Variants in ADIPOQ observed in about 807,000 individuals in gnomAD.
ADIPOQ encodes adiponectin, C1Q and collagen domain containing.
Under a neutral mutation model 16.1 loss-of-function variants are expected in ADIPOQ, and 19 were observed. The ratio of observed to expected loss-of-function variants is 1.18; its 90% confidence interval spans 0.82 to 1.73. The LOEUF (loss-of-function observed/expected upper bound fraction) is 1.73. Ranked by LOEUF, ADIPOQ falls within the 40% of genes most tolerant of loss-of-function variation. ADIPOQ has a pLI of 0.00. For synonymous variants in ADIPOQ, 124 were observed against 125.5 expected (o/e 0.99, Z 0.08); for missense variants, 323 against 308.3 (o/e 1.05, Z -0.36).
chr3:186,853,396 A>G, intron 2 of ADIPOQ, 124 bp downstream of exon 2: 2 of 1,219,700 alleles, frequency 1.6e-6, no homozygotes, highest in Non-Finnish European at 2.4e-6. Flanking sequence ...TGTTAACCAT[A>G]AGCAACCTGA....
intron 1 of ADIPOQ, among the ~76,000 whole-genome samples, chr3:186,850,443 A>G (rs1711714493): frequency 6.6e-6 from 1 of 152,234 alleles, no homozygotes; most frequent in South Asian, 2.1e-4. Context: ...GCAGTATAAC[A>G]TATGCTGCCA....
rs200695138 is a variant in ADIPOQ, at chr3:186,854,877, C to T, written c.*173C>T. The T allele has an allele frequency of 2.6e-5, 25 of 957,068 alleles. No homozygotes were observed. The highest frequency in any genetic ancestry group is 3.7e-5 in the Non-Finnish European group (24 of 643,698). 59.3% of individuals were successfully genotyped at this position (957,068 alleles called of 1,614,324 possible). On this transcript the variant is annotated 3_prime_UTR_variant, in exon 3 of 3. Coordinates refer to ENST00000320741, the MANE Select transcript of ADIPOQ (RefSeq NM_004797.4). ...CGAGTAACTTTAAAAAAATCATATG[C>T]TATGTTCCCAGTCCTGGGGAGCTTC...
chr3:186,845,073 C>T (rs990155651), intron 1 of ADIPOQ, among the ~76,000 whole-genome samples: 134 of 151,340 alleles, frequency 8.9e-4, no homozygotes, highest in African/African-American at 2.7e-3. Flanking sequence ...TGTGTGTGCG[C>T]GCGCGCACAC....
intron 1 of ADIPOQ, among the ~76,000 whole-genome samples, chr3:186,848,786 T>C (rs1403278169): frequency 6.6e-6 from 1 of 152,228 alleles, no homozygotes; most frequent in Non-Finnish European, 1.5e-5. Flanking sequence ...CAAATAATTT[T>C]GAAAATTTTT....
rs1579211473 is a variant in ADIPOQ, at chr3:186,855,357, G to A, written c.*653G>A. On this transcript the variant is annotated 3_prime_UTR_variant, in exon 3 of 3. Coordinates refer to ENST00000320741, the MANE Select transcript of ADIPOQ (RefSeq NM_004797.4). ...TCCTCTTACCTATGTCCCTTCTCATGCCTTTCCCTCCAACGGGGAAAGCCA... is the reference window on the plus strand; with the variant it reads ...TCCTCTTACCTATGTCCCTTCTCATACCTTTCCCTCCAACGGGGAAAGCCA... The A allele has an allele frequency of 6.5e-6, 1 of 153,614 alleles. No individual in the cohort carries two copies. The highest frequency in any genetic ancestry group is 2.1e-4 in the South Asian group (1 of 4,870). 9.5% of individuals were successfully genotyped at this position (153,614 alleles called of 1,614,324 possible).
intron 1 of ADIPOQ, among the ~76,000 whole-genome samples, chr3:186,847,595 C>A (rs1409789862): frequency 6.6e-6 from 1 of 152,052 alleles, no homozygotes; most frequent in Non-Finnish European, 1.5e-5. Context: ...TTCAAGGGTG[C>A]GCTTAGCTTC....
intron 1 of ADIPOQ, among the ~76,000 whole-genome samples, chr3:186,846,153 C>A (rs1711571374): frequency 6.6e-6 from 1 of 152,098 alleles, no homozygotes; most frequent in Non-Finnish European, 1.5e-5. Flanking sequence ...AAGTGCATTC[C>A]TACTCCTTCC....
Position 186,854,873 on chromosome 3 carries a change from T to C in ADIPOQ, c.*169T>C, listed in dbSNP as rs1229142187. On this transcript the variant is annotated 3_prime_UTR_variant, in exon 3 of 3. Coordinates refer to ENST00000320741, the MANE Select transcript of ADIPOQ (RefSeq NM_004797.4). ...TCATCGAGTAACTTTAAAAAAATCA[T>C]ATGCTATGTTCCCAGTCCTGGGGAG... 2.0e-6 allele frequency: 2 copies of C among 989,252 alleles called. No homozygotes were observed. Among genetic ancestry groups the C allele is most frequent in the Admixed American group, 4.6e-5 (2 of 43,384 alleles). 61.3% of individuals were successfully genotyped at this position (989,252 alleles called of 1,614,324 possible). A position where few individuals can be genotyped will look rare whatever the true frequency, so the allele number is the denominator to read the frequency against.
rs780387344 is a variant in ADIPOQ at position 186,854,231 on chromosome 3, G to C, written c.262G>C (p.Ala88Pro). The change falls in exon 3 of 3, where the codon GCT (alanine) becomes CCT (proline). Residue 88 changes from alanine (A) to proline (P), a missense_variant. Transcript: ENST00000320741. ...CATCGGTGAAACCGGAGTACCCGGGGCTGAAGGTCCCCGAGGCTTTCCGGG... is the reference window on the plus strand; with the variant it reads ...CATCGGTGAAACCGGAGTACCCGGGCCTGAAGGTCCCCGAGGCTTTCCGGG... ...GDIGETGVPG[A>P]EGPRGFPGIQ... The C allele has an allele frequency of 1.9e-6, 3 of 1,613,708 alleles. No individual in the cohort carries two copies. The highest frequency in any genetic ancestry group is 2.5e-6 in the Non-Finnish European group (3 of 1,179,668).
Position 186,854,242 on chromosome 3 carries a change from C to T in ADIPOQ, c.273C>T (p.Pro91=). 1 of 1,613,572 alleles carries T rather than the reference C, an allele frequency of 6.2e-7. No individual in the cohort carries two copies. Among genetic ancestry groups the T allele is most frequent in the Non-Finnish European group, 8.5e-7 (1 of 1,179,594 alleles). The part of the protein sequence containing the change: ...GETGVPGAEG[P]RGFPGIQGRK... ...CCGGAGTACCCGGGGCTGAAGGTCC[C>T]CGAGGCTTTCCGGGAATCCAAGGCA... Residue 91 remains proline (P), a synonymous_variant, in exon 3 of 3, where the codon CCC becomes CCT. Transcript: ENST00000320741.
At chr3:186,844,410 G>A (rs986868544) in intron 1 of ADIPOQ, among the ~76,000 whole-genome samples, 2 of 151,382 alleles carry the variant, frequency 1.3e-5, no homozygotes, top group Admixed American at 6.6e-5. Context: ...CTCCCAAAGT[G>A]CTGGTATTAC....
At chr3:186,845,110 G>C (rs1037240164) in intron 1 of ADIPOQ, among the ~76,000 whole-genome samples, 4 of 151,604 alleles carry the variant, frequency 2.6e-5, no homozygotes, top group Non-Finnish European at 5.9e-5. Flanking sequence ...GTATGTGTGG[G>C]GGGGGGTGGT....
Position 186,855,281 on chromosome 3 carries a change from AC to A in ADIPOQ, c.*578del, listed in dbSNP as rs1711955380. 1 of 169,148 alleles carries A rather than the reference AC, an allele frequency of 5.9e-6. No individual in the cohort carries two copies. Among genetic ancestry groups the A allele is most frequent in the African/African-American group, 2.4e-5 (1 of 41,542 alleles). The allele number at this position is 169,148 out of a possible 1,614,324, so 10.5% of individuals were successfully genotyped here. On this transcript the variant is annotated 3_prime_UTR_variant, in exon 3 of 3. Transcript: ENST00000320741. Reference sequence around the variant, plus strand: ...CCTCAGAGAAAGTGGTTCTATGATGACGTCCTGTCTTGGAAGGACTACTACT... The same window carrying A: ...CCTCAGAGAAAGTGGTTCTATGATGAGTCCTGTCTTGGAAGGACTACTACT...
chr3:186,852,609 G>A (rs9882205), intron 1 of ADIPOQ: 51,766 of 183,710 alleles, frequency 0.28, 7,915 homozygotes, highest in East Asian at 0.57. Flanking sequence ...AAATGAGAGA[G>A]AAGGGGGGAA....
chr3:186,852,968 G>A (rs1045241563), intron 1 of ADIPOQ, 83 bp from the exon 2 acceptor site: 173 of 1,439,598 alleles, frequency 1.2e-4, no homozygotes, highest in Non-Finnish European at 1.6e-4. Flanking sequence ...CTGCTGAGAT[G>A]GACGGAGTCC....
intron 1 of ADIPOQ, among the ~76,000 whole-genome samples, chr3:186,843,660 CAAAA>C (rs35615373): frequency 3.9e-5 from 5 of 126,746 alleles, no homozygotes; most frequent in Non-Finnish European, 8.1e-5. Flanking sequence ...GACTTTGTGT[CAAAA>C]AAAAAAAAAA....
chr3:186,844,690 T>C (rs1711531216), intron 1 of ADIPOQ, among the ~76,000 whole-genome samples: 1 of 152,010 alleles, frequency 6.6e-6, no homozygotes, highest in Admixed American at 6.6e-5. Context: ...ACTACAGGTG[T>C]GTGCAACCAT....
Position 186,857,327 on chromosome 3 carries a change from C to T in ADIPOQ, c.*2623C>T, listed in dbSNP as rs1288887186. The T allele has an allele frequency of 6.6e-6, 1 of 152,174 alleles. No homozygotes were observed. Among genetic ancestry groups the T allele is most frequent in the African/African-American group, 2.4e-5 (1 of 41,424 alleles). 9.4% of individuals were successfully genotyped at this position (152,174 alleles called of 1,614,324 possible). ...TTTTCCCTAAAGCAAAATTGGGACA[C>T]TGTTATCAGAAATAGGAGAGTGGAT... On this transcript the variant is annotated 3_prime_UTR_variant, in exon 3 of 3. Coordinates refer to ENST00000320741, the MANE Select transcript of ADIPOQ (RefSeq NM_004797.4).
chr3:186,850,841 G>T (rs1055072398), intron 1 of ADIPOQ, among the ~76,000 whole-genome samples: 1 of 151,800 alleles, frequency 6.6e-6, no homozygotes, highest in African/African-American at 2.4e-5. Flanking sequence ...TTGGAGTTGA[G>T]TATTGTTTTC....
Sources: allele counts gnomAD v4.1 joint callset (sites outside exome capture counted in the v4.1 genomes callset), GRCh38; gene constraint gnomAD v4.1.1; transcripts MANE v1.5; gene names NCBI Gene and HGNC (gene_info 2026-07-23, HGNC 2026-07-21).